The following HBS1L variants were observed in gnomAD, a reference collection of about 807,000 sequenced individuals.
The protein encoded by HBS1L is HBS1 like translational GTPase, also known as HBS1-like protein.
Under a neutral mutation model 88.9 loss-of-function variants are expected in HBS1L, and 55 were observed. That is an observed-to-expected ratio of 0.62 (90% CI 0.50 to 0.77). HBS1L has a LOEUF of 0.77. Among genes scored for constraint, HBS1L ranks in the 30% least tolerant of loss-of-function variants. The pLI, the probability that HBS1L is intolerant of heterozygous loss-of-function variation, is 0.00. For missense variants in HBS1L, 741 were observed against 829.3 expected (o/e 0.89, Z 1.31); for synonymous variants, 267 against 288.5 (o/e 0.93, Z 0.76).
chr6:135,042,040 T>C lies in HBS1L; in HGVS notation c.196A>G (p.Asn66Asp), dbSNP rs147833572. The C allele has an allele frequency of 2.3e-5, 37 of 1,613,250 alleles. No individual in the cohort carries two copies. In the Middle Eastern group the frequency reaches 6.7e-4, roughly 29 times the overall value. The stretch of plus-strand genomic sequence containing the variant: ...CTGAGCTGATGGTTTGAAACAGAAT[T>C]GGAAGATTCTTTCAGATCTTCATAA... ...YDYEDLKESS[N>D]SVSNHQLSGF... The change falls in exon 3 of 18, where the codon AAT (asparagine) becomes GAT (aspartate). Residue 66 changes from asparagine to aspartate, a missense_variant. Transcript: ENST00000367837.
intron 5 of HBS1L, among the ~76,000 whole-genome samples, chr6:134,999,291 AC>A (rs1775378862): frequency 6.6e-6 from 1 of 152,262 alleles, no homozygotes; most frequent in Admixed American, 6.5e-5. Context: ...CAGCTCCCCC[AC>A]CAATCCAGGC....
At chr6:135,019,579 A>G (rs926001532) in intron 4 of HBS1L, among the ~76,000 whole-genome samples, 1 of 151,896 alleles carries the variant, frequency 6.6e-6, no homozygotes, top group African/African-American at 2.4e-5. Context: ...GATTCGGCGT[A>G]ATCCTTATTT....
intron 15 of HBS1L, among the ~76,000 whole-genome samples, chr6:134,971,260 A>C (rs2114749434): frequency 6.6e-6 from 1 of 152,354 alleles, no homozygotes; most frequent in South Asian, 2.1e-4. Context: ...ATGAATGGTA[A>C]AGTGGTGAGA....
chr6:134,984,495 T>C (rs1349359544), intron 12 of HBS1L, among the ~76,000 whole-genome samples: 2 of 152,152 alleles, frequency 1.3e-5, no homozygotes, highest in African/African-American at 4.8e-5. Context: ...CGTCAGGGCA[T>C]GTGCGCAGGT....
At position 134,997,436 on chromosome 6, in the gene HBS1L, G is replaced by T. The variant is rs540664818; in HGVS notation, c.760C>A (p.Arg254=). The change falls in exon 6 of 18, where the codon CGG becomes AGG. Residue 254 remains arginine, a synonymous_variant. Coordinates refer to ENST00000367837, the MANE Select transcript of HBS1L (RefSeq NM_006620.4). The part of the protein sequence containing the change: ...QIDVKAELEK[R]QGGKQLLNLV... The stretch of plus-strand genomic sequence containing the variant: ...TTGAGTAGCTGCTTCCCTCCTTGCC[G>T]CTTCTCCAGTTCCGCCTTCACATCT... 4.3e-6 allele frequency: 7 copies of T among 1,613,924 alleles called. No homozygotes were observed. Among genetic ancestry groups the T allele is most frequent in the Non-Finnish European group, 5.9e-6 (7 of 1,179,946 alleles).
At chr6:135,036,640 G>C (rs780686689) in intron 4 of HBS1L, 11 of 1,549,678 alleles carry the variant, frequency 7.1e-6, no homozygotes, top group South Asian at 6.0e-5. Flanking sequence ...TGGTGTTATT[G>C]CTACAAGTGG....
At chr6:135,009,800 ATT>A (rs67876204) in intron 4 of HBS1L, among the ~76,000 whole-genome samples, 97 of 143,596 alleles carry the variant, frequency 6.8e-4, no homozygotes, top group East Asian at 1.2e-3. Flanking sequence ...CGCCCAGCTA[ATT>A]TTTTTTTTTT....
Position 134,961,960 on chromosome 6 carries a change from T to C in HBS1L, c.*3319A>G, listed in dbSNP as rs1437684564. 6.6e-6 allele frequency: 1 copy of C among 152,174 alleles called. No individual in the cohort carries two copies. The highest frequency in any genetic ancestry group is 1.5e-5 in the Non-Finnish European group (1 of 68,024). 9.4% of individuals were successfully genotyped at this position (152,174 alleles called of 1,614,324 possible). On this transcript the variant is annotated 3_prime_UTR_variant, in exon 18 of 18. Coordinates refer to ENST00000367837, the MANE Select transcript of HBS1L (RefSeq NM_006620.4). Reference sequence around the variant, plus strand: ...TCACCTACCCTCCAATCTTAAAGTTTTGAATTATCTCTTTATGATACCCTG... The same window carrying C: ...TCACCTACCCTCCAATCTTAAAGTTCTGAATTATCTCTTTATGATACCCTG...
rs890708392 is a variant in HBS1L at position 134,987,587 on chromosome 6, A to T, written c.1230+58T>A. The T allele has an allele frequency of 5.1e-6, 7 of 1,368,850 alleles. No individual in the cohort carries two copies. In the African/African-American group the frequency reaches 7.4e-5, roughly 14 times the overall value. 84.8% of individuals were successfully genotyped at this position (1,368,850 alleles called of 1,614,324 possible). A position where few individuals can be genotyped will look rare whatever the true frequency, so the allele number is the denominator to read the frequency against. ...CTAGTCACATCTAAGTCATCTATAC[A>T]AGCAGAATAACATCTTAATTAGCAT... On this transcript the variant is annotated intron_variant, in intron 9 of 17. Transcript: ENST00000367837.
At chr6:135,011,380 C>T (rs1219628616) in intron 4 of HBS1L, among the ~76,000 whole-genome samples, 1 of 152,000 alleles carries the variant, frequency 6.6e-6, no homozygotes, top group East Asian at 1.9e-4. Context: ...ATTAGCTGGG[C>T]GTATTAACAT....
chr6:135,046,978 T>C (rs1036686089), intron 2 of HBS1L, among the ~76,000 whole-genome samples: 12 of 152,264 alleles, frequency 7.9e-5, no homozygotes, highest in Non-Finnish European at 1.8e-4. Flanking sequence ...CAAAGTCGTA[T>C]GCTTTTGTTA....
chr6:135,024,363 C>T (rs1172472237), intron 4 of HBS1L, among the ~76,000 whole-genome samples: 2 of 149,940 alleles, frequency 1.3e-5, no homozygotes, highest in East Asian at 3.9e-4. Context: ...TGGCGTGAAC[C>T]CAGGAGGCAG....
At chr6:135,047,326 T>G (rs1477039697) in intron 2 of HBS1L, among the ~76,000 whole-genome samples, 1 of 152,238 alleles carries the variant, frequency 6.6e-6, no homozygotes, top group African/African-American at 2.4e-5. Flanking sequence ...TGTCTTTCAG[T>G]AATCCCCCCT....
intron 16 of HBS1L, among the ~76,000 whole-genome samples, chr6:134,968,297 G>A: frequency 6.6e-6 from 1 of 151,160 alleles, no homozygotes; most frequent in Non-Finnish European, 1.5e-5. Context: ...CACCCAGGCT[G>A]GAGTACAGTG....
At chr6:135,036,330 G>GA in intron 4 of HBS1L, 2 of 1,114,900 alleles carry the variant, frequency 1.8e-6, no homozygotes, top group Non-Finnish European at 2.2e-6. Flanking sequence ...TATCCACTTT[G>GA]TAAACATATA....
intron 4 of HBS1L, among the ~76,000 whole-genome samples, chr6:135,032,842 A>G (rs1432632782): frequency 6.6e-6 from 1 of 151,878 alleles, no homozygotes; most frequent in Non-Finnish European, 1.5e-5. Context: ...ATTAATACAT[A>G]TGAGAAGAAA....
At position 135,039,568 on chromosome 6, in the gene HBS1L, C is replaced by T. The variant is rs372794210; in HGVS notation, c.430+5G>A. The stretch of plus-strand genomic sequence containing the variant: ...ACAAGTGAAAAAGAACAAGTAAAGG[C>T]ATACCTTTTGCTATCTTTCCTGTAG... On this transcript the variant is annotated splice_donor_5th_base_variant and intron_variant, in intron 4 of 17. Transcript: ENST00000367837. 8.1e-6 allele frequency: 13 copies of T among 1,610,948 alleles called. No homozygotes were observed. The African/African-American group carries it at 1.2e-4, about 15-fold the overall frequency.
At position 134,961,712 on chromosome 6, in the gene HBS1L, C is replaced by A. The variant is rs1156560415; in HGVS notation, c.*3567G>T. 6.6e-6 allele frequency: 1 copy of A among 152,170 alleles called. No individual in the cohort carries two copies. Among genetic ancestry groups the A allele is most frequent in the Non-Finnish European group, 1.5e-5 (1 of 68,030 alleles). 9.4% of individuals were successfully genotyped at this position (152,170 alleles called of 1,614,324 possible). ...TCAATCCAGAAGAAACCCTTGCTCA[C>A]TTGAGCCCTCCTTAAAATTAGCTAC... On this transcript the variant is annotated 3_prime_UTR_variant, in exon 18 of 18. Transcript: ENST00000367837.
Position 134,982,555 on chromosome 6 carries a change from T to A in HBS1L, c.1500A>T (p.Gly500=), listed in dbSNP as rs776430485. The A allele has an allele frequency of 4.4e-6, 7 of 1,600,908 alleles. No individual in the cohort carries two copies. The East Asian group carries it at 1.6e-4, about 36-fold the overall frequency. Residue 500 remains glycine, a synonymous_variant, in exon 13 of 18, where the codon GGA becomes GGT. Transcript: ENST00000367837. The part of the protein sequence containing the change: ...LCVSDVFKDQ[G]SGFCITGKIE... ...TTTTACCAGTTATGCAAAATCCAGA[T>A]CCTTGATCTGCAAAACATACCAAAA...
Sources: gnomAD v4.1 joint callset for allele counts (sites outside exome capture counted in the v4.1 genomes callset) on GRCh38, gnomAD v4.1.1 for gene constraint, MANE v1.5 for transcripts, NCBI Gene and HGNC (gene_info 2026-07-23, HGNC 2026-07-21) for gene names.